The following STX11 variants were observed in gnomAD, a reference collection of about 807,000 sequenced individuals.
The protein encoded by STX11 is syntaxin 11.
A neutral mutation model predicts 19.9 loss-of-function variants in STX11; 21 were observed. The observed-to-expected ratio is 1.06, with a 90% CI of 0.75 to 1.52. STX11 has a LOEUF of 1.52. STX11 is among the 40% of genes most tolerant of loss of function. The probability of loss-of-function intolerance (pLI) is 0.00; values close to 1 mark genes in which losing one functional copy is unlikely to be tolerated. For missense variants in STX11, 438 were observed against 405.9 expected (o/e 1.08, Z -0.68); for synonymous variants, 193 against 174.4 (o/e 1.11, Z -0.84).
chr6:144,187,541 G>T lies in STX11; in HGVS notation c.*50G>T, dbSNP rs757055832. ...CCATCCCAGACCATGGAGCGCGCTG[G>T]GAAGGACGCACCAAAGCCGGGAGCT... On this transcript the variant is annotated 3_prime_UTR_variant, in exon 2 of 2. Coordinates refer to ENST00000367568, the MANE Select transcript of STX11 (RefSeq NM_003764.4). The surrounding 1 kb of genome is among the most constrained non-coding windows in gnomAD (Gnocchi z 5.6). The T allele has an allele frequency of 4.3e-6, 7 of 1,610,040 alleles. No homozygotes were observed. Among genetic ancestry groups the T allele is most frequent in the Non-Finnish European group, 5.9e-6 (7 of 1,179,206 alleles).
At position 144,187,242 on chromosome 6, in the gene STX11, C is replaced by A. The variant is rs1409779494; in HGVS notation, c.615C>A (p.Asn205Lys). ...TGAAGGGCGCGCGGGCCGCCCTCAACGAGATCGAGAGCCGCCACCGCGAAC... is the reference window on the plus strand; with the variant it reads ...TGAAGGGCGCGCGGGCCGCCCTCAAAGAGATCGAGAGCCGCCACCGCGAAC... ...ADVKGARAAL[N>K]EIESRHRELL... The change falls in exon 2 of 2, where the codon AAC becomes AAA. Residue 205 changes from asparagine to lysine, a missense_variant. Transcript: ENST00000367568. This position sits in a 1 kb window ranked among gnomAD's most constrained non-coding sequence, Gnocchi z 5.6. 1 of 1,613,720 alleles carries A rather than the reference C, an allele frequency of 6.2e-7. No homozygotes were observed. Among genetic ancestry groups the A allele is most frequent in the East Asian group, 2.2e-5 (1 of 44,880 alleles).
chr6:144,168,462 T>G (rs1367229028), intron 1 of STX11, among the ~76,000 whole-genome samples: 1 of 152,208 alleles, frequency 6.6e-6, no homozygotes. Context: ...CCATTTCAGC[T>G]TTTTCATCAG....
rs1342653040 is a variant in STX11 at position 144,153,955 on chromosome 6, A to G, written c.-6+3252A>G. ...AATCAGTGCTCATTAAGATTTTTCA[A>G]ATGAATGCTAGTAATAGCTAAAATT... On this transcript the variant is annotated intron_variant, in intron 1 of 1. Coordinates refer to ENST00000367568, the MANE Select transcript of STX11 (RefSeq NM_003764.4). This position sits in a 1 kb window ranked among gnomAD's most constrained non-coding sequence, Gnocchi z 5.0. 4.6e-5 allele frequency among the ~76,000 whole-genome samples: 7 copies of G among 152,224 alleles called. No homozygotes were observed. Among genetic ancestry groups the G allele is most frequent in the African/African-American group, 1.7e-4 (7 of 41,462 alleles).
chr6:144,154,481 G>C lies in STX11; in HGVS notation c.-6+3778G>C, dbSNP rs1439109928. ...AGGTTCCAAGTGCTTCAATCATTGTGTCTACAGAGCTGCCTTGGTTACCAC... is the reference window on the plus strand; with the variant it reads ...AGGTTCCAAGTGCTTCAATCATTGTCTCTACAGAGCTGCCTTGGTTACCAC... On this transcript the variant is annotated intron_variant, in intron 1 of 1. Coordinates refer to ENST00000367568, the MANE Select transcript of STX11 (RefSeq NM_003764.4). This position sits in a 1 kb window ranked among gnomAD's most constrained non-coding sequence, Gnocchi z 4.7. Among the ~76,000 whole-genome samples the C allele has an allele frequency of 2.0e-5, 3 of 152,206 alleles. No individual in the cohort carries two copies. The highest frequency in any genetic ancestry group is 7.2e-5 in the African/African-American group (3 of 41,448).
At position 144,151,370 on chromosome 6, in the gene STX11, C is replaced by A. The variant is rs986945171; in HGVS notation, c.-6+667C>A. The A allele has an allele frequency of 1.0e-6, 1 of 985,404 alleles. No individual in the cohort carries two copies. The highest frequency in any genetic ancestry group is 1.7e-5 in the African/African-American group (1 of 57,334). The allele number at this position is 985,404 out of a possible 1,614,324, so 61.0% of individuals were successfully genotyped here. On this transcript the variant is annotated intron_variant, in intron 1 of 1. Coordinates refer to ENST00000367568, the MANE Select transcript of STX11 (RefSeq NM_003764.4). This position sits in a 1 kb window ranked among gnomAD's most constrained non-coding sequence, Gnocchi z 4.6. The stretch of plus-strand genomic sequence containing the variant: ...TGTGGTTCTCACGCACTTGTTTCAG[C>A]CGTTTCTCAGCAGAGGGAGGAGCTG...
In STX11 at chr6:144,166,772, C is replaced by T. The variant is rs374743752; in HGVS notation, c.-6+16069C>T. ...AACTCCTGACCTGATGTGATCCGCC[C>T]GCCTTGGCCTCCCAAAGTGCTGGGA... On this transcript the variant is annotated intron_variant, in intron 1 of 1. Coordinates refer to ENST00000367568, the MANE Select transcript of STX11 (RefSeq NM_003764.4). Among the ~76,000 whole-genome samples the T allele has an allele frequency of 5.4e-4, 82 of 152,244 alleles. No homozygotes were observed. The East Asian group carries it at 0.013, about 24-fold the overall frequency.
intron 1 of STX11, among the ~76,000 whole-genome samples, chr6:144,168,288 T>TTGA (rs946699518): frequency 6.6e-6 from 1 of 152,216 alleles, no homozygotes; most frequent in Non-Finnish European, 1.5e-5. Flanking sequence ...AGAAGTCTCT[T>TTGA]TGATTTTATA....
rs889439228 is a variant in STX11, at chr6:144,152,426, G to T, written c.-6+1723G>T. Among the ~76,000 whole-genome samples, 2 of 152,150 alleles carry T rather than the reference G, an allele frequency of 1.3e-5. No individual in the cohort carries two copies. The highest frequency in any genetic ancestry group is 2.9e-5 in the Non-Finnish European group (2 of 68,036). Reference sequence around the variant, plus strand: ...TTTAGTCATTTACTTGTCTTTGTAGGCAGCCTATTCTTCATTTGATACATG... The same window carrying T: ...TTTAGTCATTTACTTGTCTTTGTAGTCAGCCTATTCTTCATTTGATACATG... On this transcript the variant is annotated intron_variant, in intron 1 of 1. Coordinates refer to ENST00000367568, the MANE Select transcript of STX11 (RefSeq NM_003764.4). This position sits in a 1 kb window ranked among gnomAD's most constrained non-coding sequence, Gnocchi z 4.9.
At chr6:144,140,209 CATATATAT>C in the STX11 span, among the ~76,000 whole-genome samples, 38 of 44,446 alleles carry the variant, frequency 8.5e-4, no homozygotes, top group East Asian at 1.8e-3. Context: ...GGTCAATTCA[CATATATAT>C]ATATATATAT....
chr6:144,175,068 A>G lies in STX11; in HGVS notation c.-5-11555A>G, dbSNP rs1015271314. ...GTTCGAGACCAACCTGGCCAATGTAATGAAACCCTGTCTCTACTAACAATG... is the reference window on the plus strand; with the variant it reads ...GTTCGAGACCAACCTGGCCAATGTAGTGAAACCCTGTCTCTACTAACAATG... On this transcript the variant is annotated intron_variant, in intron 1 of 1. Transcript: ENST00000367568. This position sits in a 1 kb window ranked among gnomAD's most constrained non-coding sequence, Gnocchi z 5.1. 6.6e-6 allele frequency among the ~76,000 whole-genome samples: 1 copy of G among 152,062 alleles called. No individual in the cohort carries two copies. Among genetic ancestry groups the G allele is most frequent in the African/African-American group, 2.4e-5 (1 of 41,410 alleles).
In STX11 at chr6:144,158,400, A is replaced by G. The variant is rs555491950; in HGVS notation, c.-6+7697A>G. On this transcript the variant is annotated intron_variant, in intron 1 of 1. Coordinates refer to ENST00000367568, the MANE Select transcript of STX11 (RefSeq NM_003764.4). ...CTGGCTTGGCCTTATACTATCTTAG[A>G]TAGCAGAGTGAGAGATGCCAAATTT... Among the ~76,000 whole-genome samples, 113 of 152,318 alleles carry G rather than the reference A, an allele frequency of 7.4e-4. 1 individual carries two copies. The highest frequency in any genetic ancestry group is 2.6e-3 in the African/African-American group (106 of 41,568).
Position 144,187,041 on chromosome 6 carries a change from C to T in STX11, c.414C>T (p.Thr138=), listed in dbSNP as rs1305403021. Residue 138 remains threonine (T), a synonymous_variant, in exon 2 of 2, where the codon ACC becomes ACT. Coordinates refer to ENST00000367568, the MANE Select transcript of STX11 (RefSeq NM_003764.4). The surrounding 1 kb of genome is among the most constrained non-coding windows in gnomAD (Gnocchi z 5.6). ...CGCAGTACAACGCGCTCACCCTCAC[C>T]TTCCAGCGCGCCATGCACGACTACA... ...SRAQYNALTL[T]FQRAMHDYNQ... is the part of the protein sequence containing the mutation. The T allele has an allele frequency of 1.9e-6, 3 of 1,612,946 alleles. No individual in the cohort carries two copies. Among genetic ancestry groups the T allele is most frequent in the South Asian group, 1.1e-5 (1 of 91,088 alleles).
At chr6:144,156,024 C>CTCCTTCCTTCCTTCCTTCCTTCCTTCCT (rs1240238433) in intron 1 of STX11, among the ~76,000 whole-genome samples, 10 of 102,848 alleles carry the variant, frequency 9.7e-5, no homozygotes, top group African/African-American at 4.7e-4. Flanking sequence ...CTCTCTTTCT[C>CTCCTTCCTTCCTTCCTTCCTTCCTTCCT]TCCTTCCTTC....
In STX11 at chr6:144,172,315, G is replaced by A. The variant is rs1199599104; in HGVS notation, c.-5-14308G>A. Among the ~76,000 whole-genome samples the A allele has an allele frequency of 6.6e-6, 1 of 152,184 alleles. No homozygotes were observed. On this transcript the variant is annotated intron_variant, in intron 1 of 1. Transcript: ENST00000367568. The surrounding 1 kb of genome is among the most constrained non-coding windows in gnomAD (Gnocchi z 4.2). The stretch of plus-strand genomic sequence containing the variant: ...CTGGACTCAGTCATGCAGCTGTAGA[G>A]GTGGGTCAGCTGGGGGCTGGCCTAG...
chr6:144,156,629 C>G (rs1801176025), intron 1 of STX11, among the ~76,000 whole-genome samples: 1 of 152,148 alleles, frequency 6.6e-6, no homozygotes. Context: ...AGGATTGCAG[C>G]AATCTCTTTT....
the STX11 span, among the ~76,000 whole-genome samples, chr6:144,143,341 G>T: frequency 6.6e-6 from 1 of 152,268 alleles, no homozygotes; most frequent in East Asian, 1.9e-4. Flanking sequence ...TAAGAAGACT[G>T]TATTAGTTAA....
At chr6:144,146,204 G>A (rs1300957752), upstream of STX11, among the ~76,000 whole-genome samples, 3 of 152,172 alleles carry the variant, frequency 2.0e-5, no homozygotes, top group African/African-American at 7.2e-5. This position sits in a 1 kb window ranked among gnomAD's most constrained non-coding sequence, Gnocchi z 4.4. Context: ...CGGCACTAGC[G>A]TGCAGGATGA....
In STX11 at chr6:144,188,413, C is replaced by G. The variant is rs1802121855; in HGVS notation, c.*922C>G. On this transcript the variant is annotated 3_prime_UTR_variant, in exon 2 of 2. Transcript: ENST00000367568. ...TGGTTTGCTTGTTTTGAGTTTGTTT[C>G]ACTCCAGTTTGCCCCTTCCTAGTCC... 1 of 224,820 alleles carries G rather than the reference C, an allele frequency of 4.4e-6. No individual in the cohort carries two copies. Among genetic ancestry groups the G allele is most frequent in the Non-Finnish European group, 9.6e-6 (1 of 103,892 alleles). 13.9% of individuals were successfully genotyped at this position (224,820 alleles called of 1,614,324 possible). A position where few individuals can be genotyped will look rare whatever the true frequency, so the allele number is the denominator to read the frequency against.
In STX11 at chr6:144,176,178, TAAC is replaced by T. The variant is rs1485378844; in HGVS notation, c.-5-10440_-5-10438del. Among the ~76,000 whole-genome samples, 12 of 152,106 alleles carry T rather than the reference TAAC, an allele frequency of 7.9e-5. No homozygotes were observed. The highest frequency in any genetic ancestry group is 2.1e-4 in the South Asian group (1 of 4,822). ...AAACAGAGCAGAGAATATTGCTCCT[TAAC>T]AACACTAGCGCCTCCCGACCTAGTA... On this transcript the variant is annotated intron_variant, in intron 1 of 1. Coordinates refer to ENST00000367568, the MANE Select transcript of STX11 (RefSeq NM_003764.4). This position sits in a 1 kb window ranked among gnomAD's most constrained non-coding sequence, Gnocchi z 4.1.
Sources: allele counts gnomAD v4.1 joint callset (sites outside exome capture counted in the v4.1 genomes callset), GRCh38; gene constraint gnomAD v4.1.1; non-coding constraint Gnocchi (gnomAD v3.1); transcripts MANE v1.5; gene names NCBI Gene and HGNC (gene_info 2026-07-23, HGNC 2026-07-21).